The following MAML2 variants were observed in gnomAD, a reference collection of about 807,000 sequenced individuals.
MAML2 encodes the protein mastermind-like protein 2.
A neutral mutation model predicts 96.1 loss-of-function variants in MAML2; 22 were observed. The ratio of observed to expected loss-of-function variants is 0.23; its 90% CI spans 0.16 to 0.33. MAML2 has a LOEUF of 0.33. Among genes scored for constraint, MAML2 ranks in the 10% least tolerant of loss-of-function variants. The pLI, the probability that MAML2 is intolerant of heterozygous loss-of-function variation, is 1.00. For synonymous variants in MAML2, 561 were observed against 521.3 expected (o/e 1.08, Z -1.04); for missense variants, 1,367 against 1,392.4 (o/e 0.98, Z 0.29).
intron 2 of MAML2, among the ~76,000 whole-genome samples, chr11:96,011,640 G>T (rs1409166062): frequency 6.6e-6 from 1 of 151,954 alleles, no homozygotes; most frequent in Non-Finnish European, 1.5e-5. Flanking sequence ...TTGGGTGACG[G>T]GATCAATAGA....
intron 4 of MAML2, among the ~76,000 whole-genome samples, chr11:95,984,650 G>A (rs1024124811): frequency 6.6e-6 from 1 of 152,118 alleles, no homozygotes; most frequent in African/African-American, 2.4e-5. Context: ...AATAAGTCAG[G>A]ACAACATATT....
chr11:96,215,818 T>C (rs891338803), intron 1 of MAML2, among the ~76,000 whole-genome samples: 1 of 152,148 alleles, frequency 6.6e-6, no homozygotes, highest in Non-Finnish European at 1.5e-5. Flanking sequence ...TTGGACCTTT[T>C]ATCCTTTTCA....
At chr11:96,076,716 T>C (rs986091846) in intron 2 of MAML2, among the ~76,000 whole-genome samples, 1 of 152,184 alleles carries the variant, frequency 6.6e-6, no homozygotes, top group Non-Finnish European at 1.5e-5. Flanking sequence ...CCACAACTCA[T>C]GCAGACCCAC....
At chr11:96,070,592 G>A (rs1859330097) in intron 2 of MAML2, among the ~76,000 whole-genome samples, 1 of 152,216 alleles carries the variant, frequency 6.6e-6, no homozygotes. Flanking sequence ...GGCACCTGGA[G>A]CTGCCCACCC....
intron 1 of MAML2, among the ~76,000 whole-genome samples, chr11:96,192,231 G>C (rs1861663874): frequency 2.0e-5 from 3 of 152,200 alleles, no homozygotes; most frequent in African/African-American, 7.2e-5. Flanking sequence ...TGGGCAGTTA[G>C]GGAATCATGT....
chr11:96,058,893 C>A (rs1859110761), intron 2 of MAML2, among the ~76,000 whole-genome samples: 1 of 152,122 alleles, frequency 6.6e-6, no homozygotes, highest in Non-Finnish European at 1.5e-5. Flanking sequence ...TCCAGCCTGG[C>A]CAACATGGTA....
intron 1 of MAML2, among the ~76,000 whole-genome samples, chr11:96,261,590 T>A (rs766245450): frequency 2.0e-5 from 3 of 152,238 alleles, no homozygotes; most frequent in Non-Finnish European, 4.4e-5. Context: ...GGTTCTTGGC[T>A]TACCCCAAGT....
intron 2 of MAML2, among the ~76,000 whole-genome samples, chr11:96,089,565 T>C (rs1427197086): frequency 2.6e-5 from 4 of 152,174 alleles, no homozygotes; most frequent in Non-Finnish European, 4.4e-5. Context: ...CAGAGAAAAT[T>C]CTATAGCTGT....
In MAML2 at chr11:96,073,812, T is replaced by C. The variant is rs77613905; in HGVS notation, c.2139+18080A>G. 5.8e-3 allele frequency among the ~76,000 whole-genome samples: 882 copies of C among 152,330 alleles called. 14 individuals carry two copies. The highest frequency in any genetic ancestry group is 0.021 in the African/African-American group (854 of 41,566). ...GCTATTTATTTACTTATTTGGTAAG[T>C]TCCAGTATTGTGCTTAGAATGTACA... is the stretch of plus-strand genomic sequence containing the variant. On this transcript the variant is annotated intron_variant, in intron 2 of 4. Transcript: ENST00000524717.
chr11:96,278,205 T>G (rs1863017200), intron 1 of MAML2, among the ~76,000 whole-genome samples: 1 of 152,182 alleles, frequency 6.6e-6, no homozygotes, highest in African/African-American at 2.4e-5. Flanking sequence ...CAATTGTGGT[T>G]TCTTTTTTTA....
At chr11:96,148,695 C>CACACAG (rs1398161822) in intron 1 of MAML2, among the ~76,000 whole-genome samples, 1 of 148,702 alleles carries the variant, frequency 6.7e-6, no homozygotes, top group Admixed American at 7.0e-5. Context: ...CACACACACA[C>CACACAG]ACACACACAC....
intron 1 of MAML2, among the ~76,000 whole-genome samples, chr11:96,211,622 G>T (rs944734069): frequency 1.3e-5 from 2 of 152,114 alleles, no homozygotes; most frequent in African/African-American, 4.8e-5. Flanking sequence ...CGTCTTTGAG[G>T]ATGTCACACA....
chr11:96,163,128 G>A (rs529649161), intron 1 of MAML2, among the ~76,000 whole-genome samples: 16 of 152,216 alleles, frequency 1.1e-4, no homozygotes, highest in Admixed American at 7.2e-4. Context: ...TAAACGTTCC[G>A]TAGTTTAAAG....
chr11:96,223,261 G>T (rs7104270), intron 1 of MAML2, among the ~76,000 whole-genome samples: 24,239 of 151,902 alleles, frequency 0.16, 2,045 homozygotes, highest in Non-Finnish European at 0.19. Flanking sequence ...TATTACTCAT[G>T]GAAACATCAC....
chr11:96,252,064 C>G (rs1275816348), intron 1 of MAML2, among the ~76,000 whole-genome samples: 1 of 152,108 alleles, frequency 6.6e-6, no homozygotes, highest in Non-Finnish European at 1.5e-5. Flanking sequence ...GACGGAGTAG[C>G]AAAGACACTC....
chr11:96,140,523 C>A (rs78324914), intron 1 of MAML2, among the ~76,000 whole-genome samples: 1 of 152,130 alleles, frequency 6.6e-6, no homozygotes, highest in Non-Finnish European at 1.5e-5. Context: ...TTTCTTTGAG[C>A]AAACCATAAG....
intron 2 of MAML2, among the ~76,000 whole-genome samples, chr11:95,998,141 A>AGTCTGTCT (rs200511361): frequency 0.059 from 8,401 of 143,542 alleles, 299 homozygotes; most frequent in African/African-American, 0.097. Context: ...TCTGTCTGTC[A>AGTCTGTCT]GTCTGTCTGT....
intron 2 of MAML2, among the ~76,000 whole-genome samples, chr11:96,058,640 G>A (rs1006491120): frequency 2.0e-5 from 3 of 152,138 alleles, no homozygotes; most frequent in African/African-American, 7.2e-5. Flanking sequence ...AAACAAGAGC[G>A]AGATTGCCTC....
chr11:96,033,550 A>G (rs1282360583), intron 2 of MAML2, among the ~76,000 whole-genome samples: 1 of 152,228 alleles, frequency 6.6e-6, no homozygotes, highest in Non-Finnish European at 1.5e-5. Flanking sequence ...ATCTTGTACT[A>G]GACTTGACGC....
Sources: gnomAD v4.1 joint callset for allele counts (sites outside exome capture counted in the v4.1 genomes callset) on GRCh38, gnomAD v4.1.1 for gene constraint, MANE v1.5 for transcripts, NCBI Gene and HGNC (gene_info 2026-07-23, HGNC 2026-07-21) for gene names.